Variants in CPLX1 observed in about 807,000 individuals in gnomAD.
CPLX1 encodes the protein complexin 1, also known as complexin-1.
Under a neutral mutation model 15.6 loss-of-function variants are expected in CPLX1, and 6 were observed. The ratio of observed to expected loss-of-function variants is 0.39; its 90% CI spans 0.21 to 0.76. The LOEUF (loss-of-function observed/expected upper bound fraction) is 0.76. CPLX1 is among the 30% of genes least tolerant of loss of function. The pLI is 0.43. For missense variants in CPLX1, 242 were observed against 188.6 expected, an observed-to-expected ratio of 1.28 and a Z score of -1.66; for synonymous variants, 91 against 75.2, an observed-to-expected ratio of 1.21 and a Z score of -1.08.
chr4:799,887 T>C (rs1746417897), intron 2 of CPLX1, among the ~76,000 whole-genome samples: 1 of 152,070 alleles, frequency 6.6e-6, no homozygotes, highest in Admixed American at 6.6e-5. Context: ...AAAAAGATCC[T>C]CTGTAATAAA....
chr4:811,211 G>A (rs1319595217), intron 2 of CPLX1, among the ~76,000 whole-genome samples: 3 of 152,146 alleles, frequency 2.0e-5, no homozygotes, highest in Non-Finnish European at 4.4e-5. Flanking sequence ...CATTGCCCAG[G>A]TTGTCCAGGC....
chr4:809,278 G>C (rs1306261630), intron 2 of CPLX1, among the ~76,000 whole-genome samples: 1 of 152,260 alleles, frequency 6.6e-6, no homozygotes, highest in Admixed American at 6.5e-5. Flanking sequence ...ACTCCCCAAG[G>C]CCCCTTCAGC....
At chr4:792,707 A>G in intron 2 of CPLX1, 99 bp from the exon 3 acceptor site, 1 of 1,319,358 alleles carries the variant, frequency 7.6e-7, no homozygotes, top group South Asian at 1.5e-5. Context: ...GACCCCCCAA[A>G]CCCTCCATCC....
At chr4:818,213 G>A (rs2152648179) in intron 2 of CPLX1, among the ~76,000 whole-genome samples, 1 of 152,336 alleles carries the variant, frequency 6.6e-6, no homozygotes, top group South Asian at 2.1e-4. Context: ...CTTGGGGAGG[G>A]GAGGCACCGA....
At chr4:805,403 GA>G (rs1297345373) in intron 2 of CPLX1, among the ~76,000 whole-genome samples, 6 of 152,170 alleles carry the variant, frequency 3.9e-5, no homozygotes, top group African/African-American at 1.4e-4. Context: ...ACCACAATGA[GA>G]TACCGGCTCA....
chr4:806,326 T>C (rs1294328587), intron 2 of CPLX1, among the ~76,000 whole-genome samples: 1 of 152,180 alleles, frequency 6.6e-6, no homozygotes, highest in Non-Finnish European at 1.5e-5. Flanking sequence ...TAAATGGTGC[T>C]GGGAGAACTG....
At chr4:786,725 G>C in intron 3 of CPLX1, 27 bp from the exon 4 acceptor site, 1 of 1,563,370 alleles carries the variant, frequency 6.4e-7, no homozygotes, top group Non-Finnish European at 8.7e-7. Flanking sequence ...GGTCAGGGCG[G>C]GGGTCCCGGC....
chr4:823,524 C>A (rs750813671), intron 2 of CPLX1, among the ~76,000 whole-genome samples: 3 of 152,220 alleles, frequency 2.0e-5, no homozygotes, highest in African/African-American at 4.8e-5. Flanking sequence ...GGTGCTCCCC[C>A]GTGGAGGCCA....
chr4:812,022 T>G (rs1371124539), intron 2 of CPLX1, among the ~76,000 whole-genome samples: 1 of 152,134 alleles, frequency 6.6e-6, no homozygotes, highest in Non-Finnish European at 1.5e-5. Context: ...CCACTCAAGT[T>G]TTCTTCTTAT....
At chr4:788,041 G>A in intron 3 of CPLX1, 2 of 985,442 alleles carry the variant, frequency 2.0e-6, no homozygotes, top group Non-Finnish European at 2.4e-6. Flanking sequence ...AGAAAACTTA[G>A]GAGGGGAGTG....
At chr4:824,431 C>T (rs1053123819) in intron 2 of CPLX1, 61 bp downstream of exon 2, 2 of 1,460,330 alleles carry the variant, frequency 1.4e-6, no homozygotes, top group Admixed American at 3.3e-5. Flanking sequence ...TGAGGAGCAG[C>T]TGCTGTGGTG....
intron 3 of CPLX1, among the ~76,000 whole-genome samples, chr4:790,003 AAC>A: frequency 1.1e-5 from 1 of 93,934 alleles, no homozygotes; most frequent in East Asian, 2.5e-4. Flanking sequence ...CCCCCACCCC[AAC>A]AGGTGGCCAC....
At chr4:817,547 ACT>A (rs1291654071) in intron 2 of CPLX1, among the ~76,000 whole-genome samples, 68 of 151,682 alleles carry the variant, frequency 4.5e-4, no homozygotes, top group African/African-American at 1.6e-3. Context: ...ATAGAGCGAG[ACT>A]CTGTCTCAAA....
At chr4:815,357 G>A (rs535773762) in intron 2 of CPLX1, among the ~76,000 whole-genome samples, 1 of 144,258 alleles carries the variant, frequency 6.9e-6, no homozygotes. Flanking sequence ...CTTTCAGTGA[G>A]CCGAGATTGT....
chr4:810,350 T>C (rs1485590983), intron 2 of CPLX1, among the ~76,000 whole-genome samples: 1 of 152,100 alleles, frequency 6.6e-6, no homozygotes, highest in African/African-American at 2.4e-5. Context: ...CGCCCGGCCT[T>C]GGGTCTGCGC....
At chr4:790,613 T>A (rs1746140672) in intron 3 of CPLX1, among the ~76,000 whole-genome samples, 1 of 152,090 alleles carries the variant, frequency 6.6e-6, no homozygotes, top group South Asian at 2.1e-4. Context: ...AGGAATGACA[T>A]GGCCTGGAAC....
intron 2 of CPLX1, among the ~76,000 whole-genome samples, chr4:805,418 C>A (rs1416163735): frequency 6.6e-6 from 1 of 152,134 alleles, no homozygotes; most frequent in Non-Finnish European, 1.5e-5. Context: ...CGGCTCACAC[C>A]CACTCAGACG....
At chr4:815,255 A>G (rs1171494422) in intron 2 of CPLX1, among the ~76,000 whole-genome samples, 1 of 152,020 alleles carries the variant, frequency 6.6e-6, no homozygotes, top group African/African-American at 2.4e-5. Flanking sequence ...TACTAAAAAT[A>G]CAAAAATTAG....
intron 2 of CPLX1, among the ~76,000 whole-genome samples, chr4:820,568 C>A (rs1162790632): frequency 6.6e-6 from 1 of 152,156 alleles, no homozygotes; most frequent in African/African-American, 2.4e-5. Context: ...GAGTGCTGAG[C>A]CCCACTTTGG....
Sources: gnomAD v4.1 joint callset for allele counts (sites outside exome capture counted in the v4.1 genomes callset) on GRCh38, gnomAD v4.1.1 for gene constraint, MANE v1.5 for transcripts, NCBI Gene and HGNC (gene_info 2026-07-23, HGNC 2026-07-21) for gene names.